Variants in GFRA1 observed in about 807,000 individuals in gnomAD.
The protein encoded by GFRA1 is GDNF family receptor alpha 1.
In GFRA1, 16 loss-of-function variants were observed where a neutral mutation model predicts 51.6. The observed-to-expected ratio is 0.31, with a 90% CI of 0.21 to 0.47. The LOEUF is 0.47. Ranked by LOEUF, GFRA1 falls within the 20% of genes least tolerant of loss-of-function variation. The pLI, the probability that GFRA1 is intolerant of heterozygous loss-of-function variation, is 1.00. For missense variants in GFRA1, 530 were observed against 594.3 expected, an observed-to-expected ratio of 0.89 and a Z score of 1.13; for synonymous variants, 270 against 241.3, an observed-to-expected ratio of 1.12 and a Z score of -1.10.
chr10:116,252,157 A>G (rs1968432626), intron 4 of GFRA1, among the ~76,000 whole-genome samples: 2 of 151,884 alleles, frequency 1.3e-5, no homozygotes, highest in African/African-American at 2.4e-5. Context: ...TCTTAATAGG[A>G]AAATTCTACA....
At chr10:116,232,502 C>A (rs374456790) in intron 4 of GFRA1, among the ~76,000 whole-genome samples, 26 of 148,568 alleles carry the variant, frequency 1.8e-4, no homozygotes, top group African/African-American at 1.7e-4. Context: ...TTTCCTCATA[C>A]AAAAAAAAAA....
At chr10:116,103,108 A>C (rs1956879706) in intron 6 of GFRA1, among the ~76,000 whole-genome samples, 1 of 152,190 alleles carries the variant, frequency 6.6e-6, no homozygotes, top group Non-Finnish European at 1.5e-5. Context: ...ACATCTTAGC[A>C]AATTATTCAA....
intron 6 of GFRA1, among the ~76,000 whole-genome samples, chr10:116,123,918 G>C (rs1024755213): frequency 1.3e-5 from 2 of 152,100 alleles, no homozygotes; most frequent in Non-Finnish European, 2.9e-5. Flanking sequence ...TTGTTGGTTT[G>C]TTTGTTTTGA....
At chr10:116,128,823 G>T (rs898296362) in intron 5 of GFRA1, among the ~76,000 whole-genome samples, 4 of 151,008 alleles carry the variant, frequency 2.6e-5, no homozygotes, top group African/African-American at 9.8e-5. Context: ...ATGCTGTTAA[G>T]GTTTTCCTCT....
intron 6 of GFRA1, among the ~76,000 whole-genome samples, chr10:116,103,722 G>C (rs557070158): frequency 2.6e-5 from 4 of 152,286 alleles, no homozygotes; most frequent in African/African-American, 9.6e-5. Context: ...CTAAAACACT[G>C]GAAAGGTAAT....
chr10:116,208,433 G>C (rs944419457), intron 5 of GFRA1, among the ~76,000 whole-genome samples: 1 of 152,132 alleles, frequency 6.6e-6, no homozygotes, highest in African/African-American at 2.4e-5. Context: ...CTGCGCACAT[G>C]TACTGGCTGC....
chr10:116,184,740 T>C (rs1962544208), intron 5 of GFRA1, among the ~76,000 whole-genome samples: 1 of 152,186 alleles, frequency 6.6e-6, no homozygotes, highest in African/African-American at 2.4e-5. Flanking sequence ...TAAGGCTAGT[T>C]CCAGTTCTTA....
At chr10:116,078,898 C>T (rs1035953355) in intron 9 of GFRA1, among the ~76,000 whole-genome samples, 8 of 152,072 alleles carry the variant, frequency 5.3e-5, no homozygotes, top group East Asian at 1.9e-4. Flanking sequence ...ATGGGCTCAG[C>T]GTTGACATGT....
rs1212297329 is a variant in GFRA1, at chr10:116,271,945, G to A, written c.40+45C>T. 3.3e-6 allele frequency: 5 copies of A among 1,499,012 alleles called. No homozygotes were observed. In the East Asian group the frequency reaches 7.4e-5, roughly 22 times the overall value. 92.9% of individuals were successfully genotyped at this position (1,499,012 alleles called of 1,614,324 possible). A position where few individuals can be genotyped will look rare whatever the true frequency, so the allele number is the denominator to read the frequency against. ...GGTGGGCTGCTGCAAGCGACCCTAG[G>A]AAAGACTCAGAGGGTAAGAAAGCCC... On this transcript the variant is annotated intron_variant, in intron 2 of 10. Transcript: ENST00000355422.
At chr10:116,176,369 T>C (rs1464854089) in intron 5 of GFRA1, among the ~76,000 whole-genome samples, 1 of 152,152 alleles carries the variant, frequency 6.6e-6, no homozygotes, top group Non-Finnish European at 1.5e-5. Flanking sequence ...GTAAACCCCA[T>C]GCTGGAGGTG....
chr10:116,247,552 T>C (rs1245045376), intron 4 of GFRA1, among the ~76,000 whole-genome samples: 4 of 152,146 alleles, frequency 2.6e-5, no homozygotes, highest in African/African-American at 7.2e-5. Flanking sequence ...CCTGACTTAC[T>C]GGGGTGCATT....
At chr10:116,239,072 CAGAGAA>C (rs1196686197) in intron 4 of GFRA1, among the ~76,000 whole-genome samples, 2 of 152,144 alleles carry the variant, frequency 1.3e-5, no homozygotes, top group Non-Finnish European at 2.9e-5. Context: ...TGACCAGAGA[CAGAGAA>C]AAAGACATCA....
chr10:116,083,240 G>A (rs546256536), intron 9 of GFRA1, among the ~76,000 whole-genome samples: 1 of 152,194 alleles, frequency 6.6e-6, no homozygotes, highest in African/African-American at 2.4e-5. Flanking sequence ...TGGAGGGGTG[G>A]GGTAAGGACA....
chr10:116,080,250 C>T (rs189714749), intron 9 of GFRA1, among the ~76,000 whole-genome samples: 6 of 152,304 alleles, frequency 3.9e-5, no homozygotes, highest in African/African-American at 1.2e-4. Flanking sequence ...AGCTCTTCTA[C>T]TGTCATCTGC....
At chr10:116,064,900 C>T (rs1401941830) in intron 10 of GFRA1, among the ~76,000 whole-genome samples, 4 of 152,132 alleles carry the variant, frequency 2.6e-5, no homozygotes, top group African/African-American at 9.7e-5. Flanking sequence ...GCGTTGGAGA[C>T]AGGCAGAGCA....
At chr10:116,190,138 C>A (rs560849412) in intron 5 of GFRA1, among the ~76,000 whole-genome samples, 1 of 152,320 alleles carries the variant, frequency 6.6e-6, no homozygotes, top group East Asian at 1.9e-4. Context: ...GAATGAGAAG[C>A]CATCATTCAT....
intron 5 of GFRA1, among the ~76,000 whole-genome samples, chr10:116,150,119 G>T (rs1033623885): frequency 6.6e-6 from 1 of 152,156 alleles, no homozygotes; most frequent in Non-Finnish European, 1.5e-5. Flanking sequence ...TGGTAGGGCT[G>T]CAGTTTGAAT....
intron 5 of GFRA1, among the ~76,000 whole-genome samples, chr10:116,187,338 G>C (rs1403307875): frequency 6.6e-6 from 1 of 152,246 alleles, no homozygotes; most frequent in South Asian, 2.1e-4. Context: ...ATCTCTGCAG[G>C]ACCCTGTGTG....
intron 4 of GFRA1, among the ~76,000 whole-genome samples, chr10:116,229,374 T>A (rs982712776): frequency 1.3e-5 from 2 of 152,130 alleles, no homozygotes; most frequent in African/African-American, 4.8e-5. Flanking sequence ...CAGTCTAAGA[T>A]GAGACTGCAA....
Sources: gnomAD v4.1 joint callset for allele counts (sites outside exome capture counted in the v4.1 genomes callset) on GRCh38, gnomAD v4.1.1 for gene constraint, MANE v1.5 for transcripts, NCBI Gene and HGNC (gene_info 2026-07-23, HGNC 2026-07-21) for gene names.